The following ZBTB34 variants were observed in gnomAD, a reference collection of about 807,000 sequenced individuals.
The protein encoded by ZBTB34 is zinc finger and BTB domain-containing protein 34.
ZBTB34 carries 1 observed loss-of-function variant against 33.4 expected under a neutral mutation model. The ratio of observed to expected loss-of-function variants is 0.03; its 90% CI spans 0.01 to 0.14. The LOEUF (loss-of-function observed/expected upper bound fraction) is 0.14, where lower values mean the gene tolerates loss of function less well. Ranked by LOEUF, ZBTB34 falls within the 10% of genes least tolerant of loss-of-function variation. ZBTB34 has a pLI of 1.00. For synonymous variants in ZBTB34, 283 were observed against 253.5 expected (o/e 1.12, Z -1.11); for missense variants, 406 against 657.2 (o/e 0.62, Z 4.18).
In ZBTB34 at chr9:126,879,630, G is replaced by C; in HGVS notation, c.231G>C (p.Val77=). 6.2e-7 allele frequency: 1 copy of C among 1,613,778 alleles called. No homozygotes were observed. Among genetic ancestry groups the C allele is most frequent in the South Asian group, 1.1e-5 (1 of 91,074 alleles). Residue 77 remains valine, a synonymous_variant, in exon 2 of 2, where the codon GTG becomes GTC. Transcript: ENST00000319119. This position sits in a 1 kb window ranked among gnomAD's most constrained non-coding sequence, Gnocchi z 6.4. ...CCATGAGTGGCTTGTCAATATCAGT[G>C]ATTAAAAATCCCAATGTGTTTGAGC...
At chr9:126,863,488 G>A (rs1036266636) in intron 1 of ZBTB34, among the ~76,000 whole-genome samples, 6 of 152,170 alleles carry the variant, frequency 3.9e-5, no homozygotes, top group African/African-American at 1.4e-4. Flanking sequence ...TCAGTACCAT[G>A]AATCTAGTTA....
In ZBTB34 at chr9:126,880,465, T is replaced by C. The variant is rs777063497; in HGVS notation, c.1066T>C (p.Tyr356His). Residue 356 changes from tyrosine (Y) to histidine (H), a missense_variant, in exon 2 of 2, where the codon TAT (tyrosine) becomes CAT (histidine). Tyr to His is a moderately conservative substitution (Grantham distance 83). This residue lies in a region of ZBTB34 where 123 missense variants were observed against 140.4 expected (regional missense o/e 0.88). Coordinates refer to ENST00000319119, the Ensembl canonical transcript of ZBTB34. The surrounding 1 kb of genome is among the most constrained non-coding windows in gnomAD (Gnocchi z 6.7). ...TGAAGCCATGATGAACAACCCCGGG[T>C]ATGAGAGCAGTCCCCGGGAGAGGAG... 2 of 1,613,002 alleles carry C rather than the reference T, an allele frequency of 1.2e-6. No homozygotes were observed. Among genetic ancestry groups the C allele is most frequent in the Non-Finnish European group, 1.7e-6 (2 of 1,179,678 alleles).
At chr9:126,883,075 T>C (rs1221379550) in exon 2 of ZBTB34, 1 of 166,904 alleles carries the variant, frequency 6.0e-6, no homozygotes, top group East Asian at 1.9e-4. Context: ...GTTCAACTCC[T>C]GTTAAAGCCG....
At chr9:126,881,151 C>G in exon 2 of ZBTB34, 1 of 502,362 alleles carries the variant, frequency 2.0e-6, no homozygotes, top group Non-Finnish European at 3.7e-6. Context: ...TGACAGTATT[C>G]CTCTTTGGCT....
chr9:126,880,706 T>C lies in ZBTB34; in HGVS notation c.1307T>C (p.Ile436Thr). The C allele has an allele frequency of 1.2e-6, 2 of 1,613,690 alleles. No individual in the cohort carries two copies. The highest frequency in any genetic ancestry group is 1.7e-6 in the Non-Finnish European group (2 of 1,179,880). Residue 436 changes from isoleucine to threonine, a missense_variant, in exon 2 of 2, where the codon ATC (isoleucine) becomes ACC (threonine). Physicochemically the swap from Ile to Thr is moderately conservative, Grantham distance 89. Coordinates refer to ENST00000319119, the Ensembl canonical transcript of ZBTB34. The surrounding 1 kb of genome is among the most constrained non-coding windows in gnomAD (Gnocchi z 6.7). ...GATGATAAACCATTCCGCTGTGAGA[T>C]CTGCGGGAAGTGCTTTCCATTCCAA...
chr9:126,868,171 G>C (rs539709467), intron 1 of ZBTB34, among the ~76,000 whole-genome samples: 1 of 152,210 alleles, frequency 6.6e-6, no homozygotes, highest in East Asian at 1.9e-4. Flanking sequence ...GCGTTAACCT[G>C]GATTGGGGGG....
At position 126,880,441 on chromosome 9, in the gene ZBTB34, G is replaced by A. The variant is rs748259207; in HGVS notation, c.1042G>A (p.Glu348Lys). 9 of 1,613,682 alleles carry A rather than the reference G, an allele frequency of 5.6e-6. No individual in the cohort carries two copies. The highest frequency in any genetic ancestry group is 7.6e-6 in the Non-Finnish European group (9 of 1,179,880). The change falls in exon 2 of 2, where the codon GAA becomes AAA. Residue 348 changes from glutamate (E) to lysine (K), a missense_variant. Around this residue, in one of 6 missense-constraint regions of ZBTB34, gnomAD observed 123 missense variants for 140.4 expected, o/e 0.88. Transcript: ENST00000319119. This position sits in a 1 kb window ranked among gnomAD's most constrained non-coding sequence, Gnocchi z 6.7. ...GGGCCTGGTGCAGGGCTCTGACAGT[G>A]AAGCCATGATGAACAACCCCGGGTA...
rs986423047 is a variant in ZBTB34, at chr9:126,879,287, G to A, written c.-10-103G>A. 6.3e-6 allele frequency: 6 copies of A among 945,408 alleles called. No homozygotes were observed. The African/African-American group carries it at 8.2e-5, about 13-fold the overall frequency. The allele number at this position is 945,408 out of a possible 1,614,324, so 58.6% of individuals were successfully genotyped here. ...AGAATGCTTCAGGTAGATTTTAGGA[G>A]GTATGATAGCCACAATGGTATTGTT... On this transcript the variant is annotated intron_variant, in intron 1 of 1. Coordinates refer to ENST00000319119, the Ensembl canonical transcript of ZBTB34. This position sits in a 1 kb window ranked among gnomAD's most constrained non-coding sequence, Gnocchi z 6.4.
chr9:126,879,558 C>A lies in ZBTB34; in HGVS notation c.159C>A (p.Val53=). The A allele has an allele frequency of 1.2e-6, 2 of 1,613,888 alleles. No individual in the cohort carries two copies. Among genetic ancestry groups the A allele is most frequent in the Non-Finnish European group, 1.7e-6 (2 of 1,179,836 alleles). ...AGCCATTCCGAGCCCACAAAGCAGTCCTTGCTGCCAGCTCCCCATATTTCC... is the reference window on the plus strand; with the variant it reads ...AGCCATTCCGAGCCCACAAAGCAGTACTTGCTGCCAGCTCCCCATATTTCC... The change falls in exon 2 of 2, where the codon GTC becomes GTA. Residue 53 remains valine, a synonymous_variant. Transcript: ENST00000319119. The surrounding 1 kb of genome is among the most constrained non-coding windows in gnomAD (Gnocchi z 6.4).
At chr9:126,864,965 C>A (rs550972217) in intron 1 of ZBTB34, among the ~76,000 whole-genome samples, 28 of 152,274 alleles carry the variant, frequency 1.8e-4, no homozygotes, top group African/African-American at 6.7e-4. Context: ...CAGGTATCAG[C>A]AAATGACTGA....
Position 126,880,861 on chromosome 9 carries a change from A to G in ZBTB34, c.1462A>G (p.Met488Val), listed in dbSNP as rs757331457. 6 of 1,613,200 alleles carry G rather than the reference A, an allele frequency of 3.7e-6. No individual in the cohort carries two copies. In the African/African-American group the frequency reaches 5.3e-5, roughly 14 times the overall value. Residue 488 changes from methionine to valine, a missense_variant, in exon 2 of 2, where the codon ATG becomes GTG. Transcript: ENST00000319119. This position sits in a 1 kb window ranked among gnomAD's most constrained non-coding sequence, Gnocchi z 6.7. ...AGAAAATGACGCATCGGCCTCAGAGATGGGCCTAGATTCCCGGATGGAAAT... is the reference window on the plus strand; with the variant it reads ...AGAAAATGACGCATCGGCCTCAGAGGTGGGCCTAGATTCCCGGATGGAAAT...
intron 1 of ZBTB34, among the ~76,000 whole-genome samples, chr9:126,872,411 C>T (rs1048040676): frequency 6.6e-6 from 1 of 152,166 alleles, no homozygotes; most frequent in Admixed American, 6.5e-5. Flanking sequence ...GAGATCCTGT[C>T]TCTAAGAAAA....
intron 1 of ZBTB34, among the ~76,000 whole-genome samples, chr9:126,877,432 GA>G (rs2033376790): frequency 6.6e-6 from 1 of 152,094 alleles, no homozygotes; most frequent in Non-Finnish European, 1.5e-5. Flanking sequence ...ATTCCATTTA[GA>G]TTTTTTTCTG....
At chr9:126,885,571 C>A (rs1449811749) in exon 2 of ZBTB34, 3 of 167,042 alleles carry the variant, frequency 1.8e-5, no homozygotes, top group Non-Finnish European at 4.4e-5. Context: ...CATTATCTTG[C>A]AATATAAACT....
At chr9:126,866,559 C>A (rs2033204552) in intron 1 of ZBTB34, among the ~76,000 whole-genome samples, 1 of 152,042 alleles carries the variant, frequency 6.6e-6, no homozygotes, top group African/African-American at 2.4e-5. Flanking sequence ...TCAAAAATAT[C>A]TTCCTCCATG....
rs1283128036 is a variant in ZBTB34 at position 126,870,917 on chromosome 9, ACT to A, written c.-10-8470_-10-8469del. On this transcript the variant is annotated intron_variant, in intron 1 of 1. Transcript: ENST00000319119. ...ACTCCAGCCTGGGCCACAGAGTGAGACTCTGTCTCAAAAAAAAAAAAGCAGCA... is the reference window on the plus strand; with the variant it reads ...ACTCCAGCCTGGGCCACAGAGTGAGACTGTCTCAAAAAAAAAAAAGCAGCA... 3.3e-5 allele frequency among the ~76,000 whole-genome samples: 5 copies of A among 151,122 alleles called. 1 individual carries two copies. Among genetic ancestry groups the A allele is most frequent in the Middle Eastern group, 6.8e-3 (2 of 294 alleles).
intron 1 of ZBTB34, among the ~76,000 whole-genome samples, chr9:126,873,149 G>A (rs150238871): frequency 5.3e-5 from 8 of 152,162 alleles, no homozygotes; most frequent in East Asian, 3.9e-4. Context: ...TACGCACCCC[G>A]TGTCATGAGA....
At chr9:126,876,907 T>A (rs1020576176) in intron 1 of ZBTB34, among the ~76,000 whole-genome samples, 1 of 152,340 alleles carries the variant, frequency 6.6e-6, no homozygotes, top group African/African-American at 2.4e-5. Context: ...AAAAAAAAAT[T>A]CGGACATGAT....
chr9:126,880,738 C>T lies in ZBTB34; in HGVS notation c.1339C>T (p.Leu447Phe). The T allele has an allele frequency of 6.2e-7, 1 of 1,613,792 alleles. No individual in the cohort carries two copies. Among genetic ancestry groups the T allele is most frequent in the Non-Finnish European group, 8.5e-7 (1 of 1,179,894 alleles). Residue 447 changes from leucine to phenylalanine, a missense_variant, in exon 2 of 2, where the codon CTC becomes TTC. Physicochemically the swap from Leu to Phe is conservative, Grantham distance 22. Transcript: ENST00000319119. The surrounding 1 kb of genome is among the most constrained non-coding windows in gnomAD (Gnocchi z 6.7). ...GAAGTGCTTTCCATTCCAAGGTACCCTCAACCAGCACTTGCGGAAAAACCA... is the reference window on the plus strand; with the variant it reads ...GAAGTGCTTTCCATTCCAAGGTACCTTCAACCAGCACTTGCGGAAAAACCA...
Sources: allele counts gnomAD v4.1 joint callset (sites outside exome capture counted in the v4.1 genomes callset), GRCh38; gene constraint gnomAD v4.1.1; regional missense constraint gnomAD v4.1.1; non-coding constraint Gnocchi (gnomAD v3.1); transcripts MANE v1.5; gene names NCBI Gene and HGNC (gene_info 2026-07-23, HGNC 2026-07-21).